The following LY6S variants were observed in gnomAD, a reference collection of about 807,000 sequenced individuals.
The protein encoded by LY6S is lymphocyte antigen 6S.
chr8:143,043,915 TC>T, the LY6S span, among the ~76,000 whole-genome samples: 1 of 152,130 alleles, frequency 6.6e-6, no homozygotes, highest in Non-Finnish European at 1.5e-5. Context: ...CCTCAGGTGA[TC>T]CCCCCGCCTT....
chr8:143,044,775 G>T, the LY6S span: 4 of 1,367,466 alleles, frequency 2.9e-6, no homozygotes, highest in Non-Finnish European at 3.9e-6. Flanking sequence ...AGACCGCCAA[G>T]CATCTGTAGC....
the LY6S span, among the ~76,000 whole-genome samples, chr8:143,045,882 G>A: frequency 3.3e-5 from 5 of 151,396 alleles, no homozygotes; most frequent in Admixed American, 3.3e-4. This position sits in a 1 kb window ranked among gnomAD's most constrained non-coding sequence, Gnocchi z 5.3. Flanking sequence ...TTGAGCTGGA[G>A]TCTCACTGTT....
chr8:143,062,923 T>C, the LY6S span, among the ~76,000 whole-genome samples: 321 of 152,282 alleles, frequency 2.1e-3, 4 homozygotes, highest in Non-Finnish European at 3.6e-3. Flanking sequence ...AACAAGGGCT[T>C]ATGAATCACG....
chr8:143,053,153 G>GA, the LY6S span: 1 of 152,312 alleles, frequency 6.6e-6, no homozygotes, highest in South Asian at 2.1e-4. Context: ...CACCCCCGAT[G>GA]GCTGTAAAGC....
At chr8:143,058,228 GAA>G in the LY6S span, among the ~76,000 whole-genome samples, 1 of 152,162 alleles carries the variant, frequency 6.6e-6, no homozygotes, top group Non-Finnish European at 1.5e-5. Flanking sequence ...AGAGATAAAA[GAA>G]AAGACAGCTG....
chr8:143,066,423 A>G, the LY6S span: 1 of 198,226 alleles, frequency 5.0e-6, no homozygotes, highest in Non-Finnish European at 1.0e-5. Context: ...TGGTCTCCCA[A>G]AGTGCTGGGA....
At chr8:143,057,117 G>GTA in the LY6S span, 1 of 345,608 alleles carries the variant, frequency 2.9e-6, no homozygotes, top group Admixed American at 3.1e-5. Context: ...GTAGGAAAGT[G>GTA]TATATATAGG....
chr8:143,066,191 TG>T, the LY6S span: 1 of 302,014 alleles, frequency 3.3e-6, no homozygotes, highest in Non-Finnish European at 6.3e-6. Flanking sequence ...TCTTTCAAGA[TG>T]GGGTCTCACT....
At chr8:143,053,687 A>G in the LY6S span, 2 of 152,334 alleles carry the variant, frequency 1.3e-5, no homozygotes, top group East Asian at 3.9e-4. Context: ...CATATCTTTT[A>G]CCTGGAGTAT....
chr8:143,050,568 T>C, the LY6S span, among the ~76,000 whole-genome samples: 2 of 152,096 alleles, frequency 1.3e-5, no homozygotes, highest in Admixed American at 6.6e-5. Context: ...ATGTTGGCTC[T>C]TGGGAGGAAG....
At chr8:143,063,871 T>G in the LY6S span, among the ~76,000 whole-genome samples, 2 of 152,204 alleles carry the variant, frequency 1.3e-5, no homozygotes, top group African/African-American at 4.8e-5. Context: ...TGATGCGCTG[T>G]CCCCAAACCA....
chr8:143,070,531 G>T, the LY6S span, among the ~76,000 whole-genome samples: 1 of 134,398 alleles, frequency 7.4e-6, no homozygotes, highest in Non-Finnish European at 1.5e-5. Context: ...CTGTCGCCCA[G>T]GCTGGAGTGT....
At chr8:143,072,200 C>CTCGGG in the LY6S span, among the ~76,000 whole-genome samples, 1 of 150,658 alleles carries the variant, frequency 6.6e-6, no homozygotes, top group East Asian at 2.0e-4. Flanking sequence ...AGAAGACAGC[C>CTCGGG]GTCATTCTGG....
the LY6S span, among the ~76,000 whole-genome samples, chr8:143,070,485 A>G: frequency 1.9e-4 from 16 of 84,834 alleles, 2 homozygotes; most frequent in East Asian, 4.5e-3. Flanking sequence ...AAATATATAT[A>G]TATATTTTTT....
the LY6S span, among the ~76,000 whole-genome samples, chr8:143,074,771 A>G: frequency 1.3e-5 from 2 of 152,142 alleles, no homozygotes; most frequent in African/African-American, 4.8e-5. Flanking sequence ...TAATTCTTAT[A>G]ATTTTTGGTA....
the LY6S span, among the ~76,000 whole-genome samples, chr8:143,049,030 G>A: frequency 6.6e-5 from 10 of 152,202 alleles, no homozygotes; most frequent in Admixed American, 1.3e-4. Context: ...CACCTCAGTC[G>A]GGCCTGGAGA....
the LY6S span, among the ~76,000 whole-genome samples, chr8:143,068,467 C>G: frequency 6.6e-6 from 1 of 152,118 alleles, no homozygotes; most frequent in Non-Finnish European, 1.5e-5. Context: ...ACCTGCTTCC[C>G]CTTTGCCTTC....
At chr8:143,070,844 A>G in the LY6S span, among the ~76,000 whole-genome samples, 10 of 152,014 alleles carry the variant, frequency 6.6e-5, no homozygotes, top group Non-Finnish European at 8.8e-5. Flanking sequence ...CCTCTACCCT[A>G]TTATTTTATA....
the LY6S span, among the ~76,000 whole-genome samples, chr8:143,052,146 T>C: frequency 6.6e-6 from 1 of 151,168 alleles, no homozygotes; most frequent in Non-Finnish European, 1.5e-5. Flanking sequence ...CCAGGCGTGG[T>C]GGCGGGCGCC....
Sources: allele counts gnomAD v4.1 joint callset (sites outside exome capture counted in the v4.1 genomes callset), GRCh38; gene constraint gnomAD v4.1.1; non-coding constraint Gnocchi (gnomAD v3.1); transcripts MANE v1.5; gene names NCBI Gene and HGNC (gene_info 2026-07-23, HGNC 2026-07-21).